Variants in UBE2U observed in about 807,000 individuals in gnomAD.
UBE2U encodes ubiquitin conjugating enzyme E2 U.
A neutral mutation model predicts 41.2 loss-of-function variants in UBE2U; 39 were observed. The ratio of observed to expected loss-of-function variants is 0.95; its 90% CI spans 0.73 to 1.24. UBE2U has a LOEUF of 1.24. Among genes scored for constraint, UBE2U ranks in the 50% most tolerant of loss-of-function variants. UBE2U has a pLI of 0.00. For synonymous variants in UBE2U, 107 were observed against 117.8 expected, an observed-to-expected ratio of 0.91 and a Z score of 0.60; for missense variants, 336 against 363.1, an observed-to-expected ratio of 0.93 and a Z score of 0.61.
chr1:64,220,805 C>A lies in UBE2U; in HGVS notation c.458-54C>A, dbSNP rs1267091146. The A allele has an allele frequency of 7.7e-6, 10 of 1,292,684 alleles. 1 individual carries two copies. In the East Asian group the frequency reaches 2.1e-4, roughly 27 times the overall value. The allele number at this position is 1,292,684 out of a possible 1,614,324, so 80.1% of individuals were successfully genotyped here. On this transcript the variant is annotated intron_variant, in intron 5 of 9. Transcript: ENST00000371077. ...GGCTTTGGAAATAGTGCACATAAAG[C>A]CATATATTCAATCTCCAAGTAAACC... is the stretch of plus-strand genomic sequence containing the variant.
At chr1:64,258,880 C>T (rs1188461931) in intron 8 of UBE2U, among the ~76,000 whole-genome samples, 1 of 152,160 alleles carries the variant, frequency 6.6e-6, no homozygotes, top group Non-Finnish European at 1.5e-5. Flanking sequence ...AGTTCTAGAT[C>T]CTTGAGGAAT....
chr1:64,259,445 T>C (rs1413413785), intron 8 of UBE2U, among the ~76,000 whole-genome samples: 1 of 152,214 alleles, frequency 6.6e-6, no homozygotes, highest in Non-Finnish European at 1.5e-5. Flanking sequence ...CTAGGGTTTT[T>C]ATGGTTTTAG....
chr1:64,260,916 T>C (rs971794659), intron 9 of UBE2U, among the ~76,000 whole-genome samples: 18 of 152,290 alleles, frequency 1.2e-4, no homozygotes, highest in African/African-American at 3.4e-4. Context: ...TACTTATATT[T>C]TCAAGCTTAC....
chr1:64,239,474 T>C (rs1253038761), intron 7 of UBE2U, among the ~76,000 whole-genome samples: 4 of 151,552 alleles, frequency 2.6e-5, no homozygotes, highest in Non-Finnish European at 5.9e-5. Flanking sequence ...ACCCATTAAC[T>C]TATCATTTAC....
At chr1:64,237,210 G>A (rs1277774966) in intron 7 of UBE2U, among the ~76,000 whole-genome samples, 1 of 151,344 alleles carries the variant, frequency 6.6e-6, no homozygotes, top group African/African-American at 2.4e-5. Context: ...GAGGCAAGTT[G>A]GTACTATTGG....
intron 2 of UBE2U, among the ~76,000 whole-genome samples, chr1:64,206,023 C>T (rs747298626): frequency 2.6e-5 from 4 of 152,064 alleles, no homozygotes; most frequent in Non-Finnish European, 5.9e-5. Flanking sequence ...GAGAGAATAT[C>T]GTCTGCCTTC....
At chr1:64,261,467 CTAAACA>C (rs1645179823) in intron 9 of UBE2U, among the ~76,000 whole-genome samples, 1 of 152,182 alleles carries the variant, frequency 6.6e-6, no homozygotes, top group Non-Finnish European at 1.5e-5. Context: ...CACCTGGCCA[CTAAACA>C]TAACAGCATA....
chr1:64,226,644 C>T (rs1429625368), intron 6 of UBE2U, among the ~76,000 whole-genome samples: 1 of 151,174 alleles, frequency 6.6e-6, no homozygotes, highest in Non-Finnish European at 1.5e-5. Context: ...CCAGCCTGGG[C>T]AATATATTGA....
intron 8 of UBE2U, among the ~76,000 whole-genome samples, chr1:64,251,402 A>G (rs538353834): frequency 7.2e-5 from 11 of 152,318 alleles, no homozygotes; most frequent in African/African-American, 2.6e-4. Flanking sequence ...AGTATAAGAA[A>G]GAAGAACTAT....
chr1:64,248,825 T>A (rs758657918), intron 8 of UBE2U, among the ~76,000 whole-genome samples: 26 of 152,114 alleles, frequency 1.7e-4, no homozygotes, highest in Admixed American at 1.4e-3. Context: ...ATCCTAACGG[T>A]TTTTTTAAAC....
chr1:64,236,588 C>T (rs1237577456), intron 7 of UBE2U, among the ~76,000 whole-genome samples: 1 of 152,050 alleles, frequency 6.6e-6, no homozygotes, highest in Non-Finnish European at 1.5e-5. Context: ...AATATGATCC[C>T]CATAAGGAAA....
At chr1:64,253,687 A>G (rs932310247) in intron 8 of UBE2U, among the ~76,000 whole-genome samples, 2 of 152,162 alleles carry the variant, frequency 1.3e-5, no homozygotes, top group Admixed American at 6.5e-5. Context: ...AAGGAGAAAC[A>G]AGATCCTTTT....
At position 64,267,321 on chromosome 1, in the gene UBE2U, C is replaced by A; in HGVS notation, c.*113C>A. 1 of 835,266 alleles carries A rather than the reference C, an allele frequency of 1.2e-6. No homozygotes were observed. The highest frequency in any genetic ancestry group is 1.8e-6 in the Non-Finnish European group (1 of 562,874). The allele number at this position is 835,266 out of a possible 1,614,324, so 51.7% of individuals were successfully genotyped here. A position where few individuals can be genotyped will look rare whatever the true frequency, so the allele number is the denominator to read the frequency against. On this transcript the variant is annotated 3_prime_UTR_variant, in exon 10 of 10. Coordinates refer to ENST00000371077, the MANE Select transcript of UBE2U (RefSeq NM_001366232.2). ...TTTCATTTTTTTTAAGTTGTTCTCA[C>A]CCACTCACTGCAAGTACAAATTAGA...
At chr1:64,208,635 A>G (rs1651462642) in intron 3 of UBE2U, among the ~76,000 whole-genome samples, 1 of 122,680 alleles carries the variant, frequency 8.2e-6, no homozygotes, top group Non-Finnish European at 1.7e-5. Flanking sequence ...AAAAAAAAAA[A>G]AAAAAAAAAA....
At chr1:64,248,195 G>T (rs924368616) in intron 8 of UBE2U, among the ~76,000 whole-genome samples, 18 of 151,866 alleles carry the variant, frequency 1.2e-4, no homozygotes, top group Non-Finnish European at 2.4e-4. Context: ...TCCCTCTACG[G>T]CCTTGCTCCC....
chr1:64,230,431 T>A (rs534826790), intron 6 of UBE2U, among the ~76,000 whole-genome samples: 14 of 152,330 alleles, frequency 9.2e-5, no homozygotes, highest in African/African-American at 3.4e-4. Flanking sequence ...CACTGCCCAG[T>A]TTCACTTATC....
intron 6 of UBE2U, among the ~76,000 whole-genome samples, chr1:64,229,202 C>A (rs1653111043): frequency 2.0e-5 from 3 of 151,906 alleles, no homozygotes; most frequent in Admixed American, 2.0e-4. Context: ...ACCATGTTGG[C>A]CAGGCTGGTC....
chr1:64,218,506 C>T (rs1569988633), intron 5 of UBE2U, among the ~76,000 whole-genome samples: 1 of 152,142 alleles, frequency 6.6e-6, no homozygotes, highest in East Asian at 1.9e-4. Context: ...GTCCTCTATC[C>T]CTGAGTGCTG....
intron 9 of UBE2U, among the ~76,000 whole-genome samples, chr1:64,263,511 C>A (rs1264800724): frequency 6.6e-6 from 1 of 152,202 alleles, no homozygotes; most frequent in African/African-American, 2.4e-5. Flanking sequence ...AAGCCAACCA[C>A]CTATTGACCT....
Sources: allele counts gnomAD v4.1 joint callset (sites outside exome capture counted in the v4.1 genomes callset), GRCh38; gene constraint gnomAD v4.1.1; transcripts MANE v1.5; gene names NCBI Gene and HGNC (gene_info 2026-07-23, HGNC 2026-07-21).